Variants in DTNA observed in about 807,000 individuals in gnomAD.
The protein encoded by DTNA is dystrophin-related protein 3.
Under a neutral mutation model 100.7 loss-of-function variants are expected in DTNA, and 43 were observed. The observed-to-expected ratio is 0.43, with a 90% CI of 0.33 to 0.55. The LOEUF (loss-of-function observed/expected upper bound fraction) is 0.55. Among genes scored for constraint, DTNA ranks in the 20% least tolerant of loss-of-function variants. The probability of loss-of-function intolerance (pLI) is 0.04; values close to 1 mark genes in which losing one functional copy is unlikely to be tolerated. For missense variants in DTNA, 798 were observed against 953.9 expected (o/e 0.84, Z 2.15); for synonymous variants, 349 against 347.9 (o/e 1.00, Z -0.04).
chr18:34,813,852 A>C (rs1186061812), intron 6 of DTNA, among the ~76,000 whole-genome samples: 1 of 151,964 alleles, frequency 6.6e-6, no homozygotes, highest in Admixed American at 6.6e-5. Flanking sequence ...AAAAAAAAAA[A>C]AAAAAAAAAA....
intron 1 of DTNA, among the ~76,000 whole-genome samples, chr18:34,749,383 C>T (rs2092052278): frequency 1.3e-5 from 2 of 151,998 alleles, no homozygotes; most frequent in Admixed American, 1.3e-4. Context: ...AGTGGGCATC[C>T]TTTGTTTAGT....
chr18:34,503,790 A>G (rs2040202669), intron 1 of DTNA, among the ~76,000 whole-genome samples: 1 of 150,920 alleles, frequency 6.6e-6, no homozygotes, highest in Admixed American at 6.6e-5. Flanking sequence ...TTCCACTTCT[A>G]TATGTATAGT....
At position 34,882,192 on chromosome 18, in the gene DTNA, A is replaced by C; in HGVS notation, c.2286A>C (p.Glu762Asp). ...EEYLKQKLQD[E>D]AYQVSLQG ...ACCTGAAACAGAAGCTGCAAGATGA[A>C]GCTTATCAGGTACAGGGATCCAGGC... Residue 762 changes from glutamate (E) to aspartate (D), a missense_variant, in exon 21 of 23, where the codon GAA becomes GAC. Coordinates refer to ENST00000444659, the MANE Select transcript of DTNA (RefSeq NM_001386795.1). 1 of 1,613,876 alleles carries C rather than the reference A, an allele frequency of 6.2e-7. No homozygotes were observed. Among genetic ancestry groups the C allele is most frequent in the Non-Finnish European group, 8.5e-7 (1 of 1,179,900 alleles).
chr18:34,818,715 T>G (rs1173833376), intron 8 of DTNA: 1 of 995,500 alleles, frequency 1.0e-6, no homozygotes, highest in Non-Finnish European at 1.3e-6. Context: ...AGTTTTATTT[T>G]TCTTAGATTC....
chr18:34,528,367 G>T (rs1040250350), intron 1 of DTNA, among the ~76,000 whole-genome samples: 4 of 152,012 alleles, frequency 2.6e-5, no homozygotes, highest in Non-Finnish European at 5.9e-5. Context: ...ACAATCATGG[G>T]TTATTCCTAT....
At chr18:34,736,462 T>G (rs1350727006) in intron 1 of DTNA, among the ~76,000 whole-genome samples, 1 of 152,198 alleles carries the variant, frequency 6.6e-6, no homozygotes, top group Non-Finnish European at 1.5e-5. Flanking sequence ...ATACAGCTAT[T>G]TTGTCATGGA....
Position 34,601,650 on chromosome 18 carries a change from C to T in DTNA, c.-2+108136C>T, listed in dbSNP as rs899344497. Among the ~76,000 whole-genome samples, 8 of 152,194 alleles carry T rather than the reference C, an allele frequency of 5.3e-5. No individual in the cohort carries two copies. In the East Asian group the frequency reaches 7.7e-4, roughly 15 times the overall value. On this transcript the variant is annotated intron_variant, in intron 1 of 19. Transcript: ENST00000283365. ...AACAGGTCCATACTTGGTAAATGTACGCCACCTGCGATCTGATACTAATGT... is the reference window on the plus strand; with the variant it reads ...AACAGGTCCATACTTGGTAAATGTATGCCACCTGCGATCTGATACTAATGT...
At chr18:34,523,600 A>G (rs998132534) in intron 1 of DTNA, among the ~76,000 whole-genome samples, 1 of 152,148 alleles carries the variant, frequency 6.6e-6, no homozygotes, top group Admixed American at 6.6e-5. Context: ...TTCACCTTGC[A>G]CTTCCCACAA....
At chr18:34,872,263 G>A (rs1366609923) in intron 17 of DTNA, among the ~76,000 whole-genome samples, 3 of 152,118 alleles carry the variant, frequency 2.0e-5, no homozygotes, top group African/African-American at 4.8e-5. Flanking sequence ...GATGGGGAGA[G>A]GCTTACAGAA....
At chr18:34,682,066 G>C (rs114346043) in intron 1 of DTNA, among the ~76,000 whole-genome samples, 1 of 152,192 alleles carries the variant, frequency 6.6e-6, no homozygotes, top group African/African-American at 2.4e-5. Flanking sequence ...AGCCTTTTCA[G>C]GTTGGCCTCT....
At chr18:34,708,678 T>C (rs959293116), upstream of DTNA, among the ~76,000 whole-genome samples, 1 of 152,236 alleles carries the variant, frequency 6.6e-6, no homozygotes, top group Admixed American at 6.5e-5. Flanking sequence ...AACATAGGAT[T>C]GTTAATGCAC....
chr18:34,631,589 A>T (rs2058086552), intron 1 of DTNA, among the ~76,000 whole-genome samples: 1 of 152,226 alleles, frequency 6.6e-6, no homozygotes, highest in Admixed American at 6.5e-5. Flanking sequence ...TGATTAAAAG[A>T]TCTAAATACA....
chr18:34,695,734 A>G lies in DTNA; in HGVS notation c.-1-60242A>G, dbSNP rs1256908872. On this transcript the variant is annotated intron_variant, in intron 1 of 19. Coordinates refer to the DTNA transcript ENST00000283365. The stretch of plus-strand genomic sequence containing the variant: ...TCTGATAGGAGTTTGGGGAATGACC[A>G]TGGAAACAACAGGACCAGATCCTAA... 2.6e-5 allele frequency among the ~76,000 whole-genome samples: 4 copies of G among 152,210 alleles called. No homozygotes were observed. In the East Asian group the frequency reaches 5.8e-4, roughly 22 times the overall value.
intron 1 of DTNA, among the ~76,000 whole-genome samples, chr18:34,749,638 C>CAAAAAAAAA (rs2092089898): frequency 1.4e-5 from 1 of 69,994 alleles, no homozygotes; most frequent in African/African-American, 6.0e-5. Flanking sequence ...GCACCTCTCT[C>CAAAAAAAAA]CAAAAAATAA....
intron 1 of DTNA, among the ~76,000 whole-genome samples, chr18:34,573,420 G>A (rs2047785030): frequency 6.6e-6 from 1 of 152,004 alleles, no homozygotes. Context: ...CTCTCCTAAG[G>A]AACTTATGAA....
At chr18:34,575,646 C>A (rs2048042725) in intron 1 of DTNA, among the ~76,000 whole-genome samples, 1 of 152,042 alleles carries the variant, frequency 6.6e-6, no homozygotes, top group African/African-American at 2.4e-5. Flanking sequence ...CGAAATTTTT[C>A]TTTAATACTA....
chr18:34,635,763 T>G (rs2058601296), intron 1 of DTNA, among the ~76,000 whole-genome samples: 1 of 152,188 alleles, frequency 6.6e-6, no homozygotes, highest in Non-Finnish European at 1.5e-5. Flanking sequence ...AAAAGTCTTT[T>G]AGGTACTGGG....
intron 1 of DTNA, among the ~76,000 whole-genome samples, chr18:34,501,770 T>C (rs1020496269): frequency 3.3e-5 from 5 of 152,098 alleles, no homozygotes; most frequent in African/African-American, 1.2e-4. Flanking sequence ...GCATATTTGG[T>C]TTCTTCTGAG....
chr18:34,770,781 A>G (rs921289125), intron 3 of DTNA, among the ~76,000 whole-genome samples: 1 of 69,896 alleles, frequency 1.4e-5, no homozygotes, highest in Non-Finnish European at 2.9e-5. Flanking sequence ...GAAGAATTAT[A>G]TTCTTTTTTT....
Sources: gnomAD v4.1 joint callset for allele counts (sites outside exome capture counted in the v4.1 genomes callset) on GRCh38, gnomAD v4.1.1 for gene constraint, MANE v1.5 for transcripts, NCBI Gene and HGNC (gene_info 2026-07-23, HGNC 2026-07-21) for gene names.